FBXO11: variants seen among roughly 807,000 people sequenced by gnomAD.
The protein encoded by FBXO11 is F-box only protein 11.
Under a neutral mutation model 117.0 loss-of-function variants are expected in FBXO11, and 13 were observed. The observed-to-expected ratio is 0.11, with a 90% CI of 0.07 to 0.18. FBXO11 has a LOEUF of 0.18. Ranked by LOEUF, FBXO11 falls within the 10% of genes least tolerant of loss-of-function variation. The pLI, the probability that FBXO11 is intolerant of heterozygous loss-of-function variation, is 1.00. For synonymous variants in FBXO11, 490 were observed against 380.5 expected (o/e 1.29, Z -3.35); for missense variants, 767 against 1,164.4 (o/e 0.66, Z 4.97).
In FBXO11 at chr2:47,885,511, G is replaced by A. The variant is rs1357510035; in HGVS notation, c.232+19978C>T. Among the ~76,000 whole-genome samples the A allele has an allele frequency of 2.0e-5, 3 of 152,018 alleles. No individual in the cohort carries two copies. The East Asian group carries it at 5.8e-4, about 29-fold the overall frequency. ...AAACACTTGAACCCAGGAGGTGGAG[G>A]CTGCAGTGAGCCGAGCTCACACCAC... On this transcript the variant is annotated intron_variant, in intron 1 of 22. Coordinates refer to ENST00000403359, the MANE Select transcript of FBXO11 (RefSeq NM_001190274.2).
intron 1 of FBXO11, among the ~76,000 whole-genome samples, chr2:47,859,054 AAAAAG>A (rs916754158): frequency 8.7e-5 from 13 of 150,266 alleles, no homozygotes; most frequent in Non-Finnish European, 1.2e-4. Flanking sequence ...AAAAAAAAAA[AAAAAG>A]AAAAGAAAAG....
chr2:47,900,668 G>GTGTATA (rs1553362171), intron 1 of FBXO11, among the ~76,000 whole-genome samples: 2 of 29,734 alleles, frequency 6.7e-5, no homozygotes, highest in African/African-American at 5.0e-4. Flanking sequence ...ACACACGTAC[G>GTGTATA]TATATACACA....
intron 1 of FBXO11, among the ~76,000 whole-genome samples, chr2:47,840,601 C>A (rs928666224): frequency 6.6e-6 from 1 of 151,604 alleles, no homozygotes; most frequent in Non-Finnish European, 1.5e-5. Context: ...CAGGCATGCA[C>A]CACCACCCAG....
chr2:47,847,511 C>T (rs1044924964), intron 1 of FBXO11, among the ~76,000 whole-genome samples: 2 of 151,706 alleles, frequency 1.3e-5, no homozygotes, highest in Non-Finnish European at 2.9e-5. Context: ...GAGTTTGGGA[C>T]CAGCCTGGTC....
intron 1 of FBXO11, among the ~76,000 whole-genome samples, chr2:47,872,281 G>A (rs1041398935): frequency 6.6e-6 from 1 of 152,164 alleles, no homozygotes; most frequent in Non-Finnish European, 1.5e-5. Context: ...CAGTCATCAA[G>A]GGATGGCTTT....
chr2:47,843,728 G>GCTTCTT (rs575495911), intron 1 of FBXO11, among the ~76,000 whole-genome samples: 63 of 151,782 alleles, frequency 4.2e-4, no homozygotes, highest in Middle Eastern at 3.4e-3. Context: ...TTTTAGATTT[G>GCTTCTT]CTGCTGCTTC....
intron 1 of FBXO11, among the ~76,000 whole-genome samples, chr2:47,901,936 T>C (rs1337303915): frequency 6.6e-6 from 1 of 152,196 alleles, no homozygotes; most frequent in Non-Finnish European, 1.5e-5. Flanking sequence ...CTGCGTAAAA[T>C]ACAGTTTTTA....
At chr2:47,901,129 A>ATG (rs770435921) in intron 1 of FBXO11, among the ~76,000 whole-genome samples, 1 of 100,486 alleles carries the variant, frequency 1.0e-5, no homozygotes, top group Non-Finnish European at 2.3e-5. Context: ...ACGTGTGTAC[A>ATG]TGTATATATA....
intron 1 of FBXO11, among the ~76,000 whole-genome samples, chr2:47,897,500 C>T (rs1457203543): frequency 6.6e-6 from 1 of 152,102 alleles, no homozygotes; most frequent in Admixed American, 6.5e-5. Flanking sequence ...AGTTTGAGAT[C>T]AGCTTGGCCA....
intron 11 of FBXO11, among the ~76,000 whole-genome samples, chr2:47,832,106 C>T (rs1366023022): frequency 6.6e-6 from 1 of 152,082 alleles, no homozygotes; most frequent in East Asian, 1.9e-4. Flanking sequence ...ACGAGTTATA[C>T]CTTACTCCCC....
chr2:47,822,485 A>T (rs1382505910), intron 12 of FBXO11, among the ~76,000 whole-genome samples, 182 bp from the exon 13 acceptor site: 1 of 152,250 alleles, frequency 6.6e-6, no homozygotes, highest in Non-Finnish European at 1.5e-5. Flanking sequence ...GAAAGAACAT[A>T]TGTAGCATTC....
In FBXO11 at chr2:47,906,022, A is replaced by C; in HGVS notation, c.-302T>G. 3.9e-6 allele frequency: 1 copy of C among 259,004 alleles called. No homozygotes were observed. The highest frequency in any genetic ancestry group is 7.4e-6 in the Non-Finnish European group (1 of 134,238). The allele number at this position is 259,004 out of a possible 1,614,324, so 16.0% of individuals were successfully genotyped here. A position where few individuals can be genotyped will look rare whatever the true frequency, so the allele number is the denominator to read the frequency against. On this transcript the variant is annotated 5_prime_UTR_variant, in exon 1 of 23. Transcript: ENST00000403359. Reference sequence around the variant, plus strand: ...GGCAGAAAGACGGGCAGACCGAGAGAAAGAAAGAAAGGGCGTCCGCCGCTT... The same window carrying C: ...GGCAGAAAGACGGGCAGACCGAGAGCAAGAAAGAAAGGGCGTCCGCCGCTT...
intron 1 of FBXO11, among the ~76,000 whole-genome samples, chr2:47,851,159 A>C (rs1197868558): frequency 1.3e-5 from 2 of 152,172 alleles, no homozygotes; most frequent in Non-Finnish European, 2.9e-5. Context: ...GCCCCAAATT[A>C]AGTCAAACCT....
chr2:47,854,174 C>T (rs1572849680), intron 1 of FBXO11, among the ~76,000 whole-genome samples: 1 of 151,780 alleles, frequency 6.6e-6, no homozygotes, highest in Non-Finnish European at 1.5e-5. Flanking sequence ...AAAACAGTTA[C>T]TTAATGTCTC....
intron 1 of FBXO11, among the ~76,000 whole-genome samples, chr2:47,870,030 G>A (rs1645630032): frequency 6.6e-6 from 1 of 152,080 alleles, no homozygotes; most frequent in Non-Finnish European, 1.5e-5. Context: ...CTCCCATGTG[G>A]GTGGGCCTTA....
At chr2:47,884,727 C>A (rs957742453) in intron 1 of FBXO11, among the ~76,000 whole-genome samples, 1 of 152,102 alleles carries the variant, frequency 6.6e-6, no homozygotes, top group African/African-American at 2.4e-5. Flanking sequence ...TTTTTAAAAG[C>A]TTTTACATGG....
intron 1 of FBXO11, among the ~76,000 whole-genome samples, chr2:47,886,563 T>C (rs55820735): frequency 0.016 from 2,467 of 152,162 alleles, 34 homozygotes; most frequent in Non-Finnish European, 0.028. Flanking sequence ...GTAAAGATAT[T>C]TGTATAGGGT....
At chr2:47,891,462 G>C (rs183037107) in intron 1 of FBXO11, among the ~76,000 whole-genome samples, 1 of 152,284 alleles carries the variant, frequency 6.6e-6, no homozygotes, top group African/African-American at 2.4e-5. Flanking sequence ...AATTCCTTAA[G>C]ACTGAATAAC....
At chr2:47,878,394 G>A (rs1387855548) in intron 1 of FBXO11, among the ~76,000 whole-genome samples, 1 of 151,552 alleles carries the variant, frequency 6.6e-6, no homozygotes, top group Non-Finnish European at 1.5e-5. Flanking sequence ...GTCTCACTCT[G>A]TCACCCAGGC....
Sources: allele counts gnomAD v4.1 joint callset (sites outside exome capture counted in the v4.1 genomes callset), GRCh38; gene constraint gnomAD v4.1.1; transcripts MANE v1.5; gene names NCBI Gene and HGNC (gene_info 2026-07-23, HGNC 2026-07-21).